CYFIP2: variants seen among roughly 807,000 people sequenced by gnomAD.
CYFIP2 encodes cytoplasmic FMR1 interacting protein 2.
Under a neutral mutation model 158.7 loss-of-function variants are expected in CYFIP2, and 29 were observed. The ratio of observed to expected loss-of-function variants is 0.18; its 90% CI spans 0.14 to 0.25. The LOEUF (loss-of-function observed/expected upper bound fraction) is 0.25, where lower values mean the gene tolerates loss of function less well. Ranked by LOEUF, CYFIP2 falls within the 10% of genes least tolerant of loss-of-function variation. The pLI is 1.00. For synonymous variants in CYFIP2, 585 were observed against 617.6 expected (o/e 0.95, Z 0.78); for missense variants, 852 against 1,639.5 (o/e 0.52, Z 8.29).
At chr5:157,320,402 G>T (rs999487354) in intron 14 of CYFIP2, among the ~76,000 whole-genome samples, 1 of 152,200 alleles carries the variant, frequency 6.6e-6, no homozygotes, top group Non-Finnish European at 1.5e-5. Context: ...GATGGGCTCA[G>T]AGCTGAGTTC....
intron 15 of CYFIP2, chr5:157,323,052 C>T (rs1188500640): frequency 2.0e-5 from 30 of 1,531,320 alleles, no homozygotes; most frequent in Middle Eastern, 1.7e-4. Flanking sequence ...TTTGGGTACC[C>T]TTCTCGAGGA....
rs573420396 is a variant in CYFIP2, at chr5:157,387,030, A to G, written c.3208-2159A>G. Among the ~76,000 whole-genome samples, 3 of 152,296 alleles carry G rather than the reference A, an allele frequency of 2.0e-5. No individual in the cohort carries two copies. In the South Asian group the frequency reaches 6.2e-4, roughly 32 times the overall value. ...AAGTATATACGACTAAATGAATTATATCAATGACCATTAAATGTAGTCATT... is the reference window on the plus strand; with the variant it reads ...AAGTATATACGACTAAATGAATTATGTCAATGACCATTAAATGTAGTCATT... On this transcript the variant is annotated intron_variant, in intron 28 of 30. Transcript: ENST00000620254.
At chr5:157,267,486 A>G (rs932161184) in intron 1 of CYFIP2, among the ~76,000 whole-genome samples, 7 of 152,150 alleles carry the variant, frequency 4.6e-5, no homozygotes, top group African/African-American at 1.7e-4. Flanking sequence ...GAAGGCCTTG[A>G]TGGTTGCTTT....
intron 1 of CYFIP2, among the ~76,000 whole-genome samples, chr5:157,274,982 C>A (rs986130670): frequency 6.6e-6 from 1 of 151,946 alleles, no homozygotes; most frequent in South Asian, 2.1e-4. Flanking sequence ...CACTCTGTTG[C>A]CCAGGCTGGT....
At chr5:157,385,280 T>A (rs760598875) in intron 28 of CYFIP2, among the ~76,000 whole-genome samples, 7 of 152,222 alleles carry the variant, frequency 4.6e-5, no homozygotes, top group Non-Finnish European at 8.8e-5. Flanking sequence ...ATGCCTAGTG[T>A]TTAACAAATA....
At chr5:157,279,609 A>G (rs1756837456) in intron 1 of CYFIP2, among the ~76,000 whole-genome samples, 2 of 152,154 alleles carry the variant, frequency 1.3e-5, no homozygotes, top group Admixed American at 1.3e-4. Context: ...CAATGTTATT[A>G]TTACTTTTGG....
chr5:157,390,197 C>G (rs113444013), intron 29 of CYFIP2, among the ~76,000 whole-genome samples: 5 of 152,060 alleles, frequency 3.3e-5, no homozygotes, highest in Admixed American at 1.3e-4. Flanking sequence ...TTGACCTGCA[C>G]GGAGTAATCA....
intron 13 of CYFIP2, among the ~76,000 whole-genome samples, chr5:157,318,068 T>A (rs568079297): frequency 6.6e-6 from 1 of 152,378 alleles, no homozygotes; most frequent in East Asian, 1.9e-4. Context: ...AAAATCGGGT[T>A]TCTGTCTTCC....
At chr5:157,386,776 C>T (rs975362458) in intron 28 of CYFIP2, among the ~76,000 whole-genome samples, 8 of 152,002 alleles carry the variant, frequency 5.3e-5, no homozygotes, top group African/African-American at 1.4e-4. Context: ...AAAAATTAGT[C>T]GGGCGTGGTG....
intron 23 of CYFIP2, among the ~76,000 whole-genome samples, chr5:157,355,894 G>A (rs1204264190): frequency 6.6e-6 from 1 of 152,148 alleles, no homozygotes; most frequent in Non-Finnish European, 1.5e-5. Context: ...GTCACCTGGT[G>A]CCTGTGCTGG....
At chr5:157,369,954 T>C (rs1764839249) in intron 26 of CYFIP2, among the ~76,000 whole-genome samples, 1 of 148,958 alleles carries the variant, frequency 6.7e-6, no homozygotes, top group Non-Finnish European at 1.5e-5. Flanking sequence ...TGATCTCGGC[T>C]CACTGCAACC....
At chr5:157,359,197 CAT>C (rs1382325559) in intron 24 of CYFIP2, 49 bp downstream of exon 24, 1 of 1,602,094 alleles carries the variant, frequency 6.2e-7, no homozygotes, top group Non-Finnish European at 8.5e-7. Flanking sequence ...GTGGGTTTGA[CAT>C]AAACAAAGTT....
chr5:157,276,570 C>T (rs1405615756), intron 1 of CYFIP2, among the ~76,000 whole-genome samples: 1 of 152,150 alleles, frequency 6.6e-6, no homozygotes, highest in Non-Finnish European at 1.5e-5. Context: ...ACCAGCCAAG[C>T]CATTTACATG....
At chr5:157,281,092 A>G (rs1756953769) in intron 1 of CYFIP2, among the ~76,000 whole-genome samples, 1 of 152,194 alleles carries the variant, frequency 6.6e-6, no homozygotes, top group African/African-American at 2.4e-5. Flanking sequence ...TCATTTGTCC[A>G]GCAGAATTTG....
chr5:157,338,229 T>A (rs10055524), intron 21 of CYFIP2, among the ~76,000 whole-genome samples: 70,604 of 152,080 alleles, frequency 0.46, 18,221 homozygotes, highest in African/African-American at 0.71. Context: ...TGAAGATGGG[T>A]TTCCTTCGTT....
chr5:157,304,161 G>C, intron 7 of CYFIP2, 77 bp from the exon 8 acceptor site: 1 of 1,525,976 alleles, frequency 6.6e-7, no homozygotes, highest in Non-Finnish European at 8.8e-7. Flanking sequence ...CCGGCCAGCT[G>C]TAGGGCTTCT....
At chr5:157,283,963 G>A (rs540920333) in intron 1 of CYFIP2, among the ~76,000 whole-genome samples, 2 of 152,258 alleles carry the variant, frequency 1.3e-5, no homozygotes, top group East Asian at 3.9e-4. Context: ...CCCTGGGATC[G>A]AAGGTGGTTA....
chr5:157,272,006 A>G (rs1444011860), intron 1 of CYFIP2, among the ~76,000 whole-genome samples: 1 of 152,168 alleles, frequency 6.6e-6, no homozygotes, highest in Non-Finnish European at 1.5e-5. Flanking sequence ...TCCCCTCCTG[A>G]GAGCATGAGG....
At chr5:157,369,519 A>G (rs1764768141) in intron 26 of CYFIP2, among the ~76,000 whole-genome samples, 1 of 152,190 alleles carries the variant, frequency 6.6e-6, no homozygotes, top group South Asian at 2.1e-4. Flanking sequence ...TTTATCCTCT[A>G]AAATCCTCAA....
Sources: allele counts gnomAD v4.1 joint callset (sites outside exome capture counted in the v4.1 genomes callset), GRCh38; gene constraint gnomAD v4.1.1; transcripts MANE v1.5; gene names NCBI Gene and HGNC (gene_info 2026-07-23, HGNC 2026-07-21).